The following GZMM variants were observed in gnomAD, a reference collection of about 807,000 sequenced individuals.
GZMM encodes the protein HU-Met-1.
In GZMM, 23 loss-of-function variants were observed where a neutral mutation model predicts 19.2. The observed-to-expected ratio is 1.20, with a 90% CI of 0.86 to 1.69. The LOEUF is 1.69. Among genes scored for constraint, GZMM ranks in the 40% most tolerant of loss-of-function variants. The pLI is 0.00. For missense variants in GZMM, 373 were observed against 352.2 expected, an observed-to-expected ratio of 1.06 and a Z score of -0.47; for synonymous variants, 178 against 160.2, an observed-to-expected ratio of 1.11 and a Z score of -0.84.
chr19:548,795 C>T lies in GZMM; in HGVS notation c.348+118C>T. 15 of 615,116 alleles carry T rather than the reference C, an allele frequency of 2.4e-5. No individual in the cohort carries two copies. The South Asian group carries it at 2.8e-4, about 11-fold the overall frequency. 38.1% of individuals were successfully genotyped at this position (615,116 alleles called of 1,614,324 possible). On this transcript the variant is annotated intron_variant, in intron 3 of 4. Coordinates refer to ENST00000264553, the MANE Select transcript of GZMM (RefSeq NM_005317.4). ...TCCCCCCGCACTGCTGCCCCTCCCC[C>T]CGCACTACTGCCCCCTCCCCCATTG...
At chr19:548,508 C>G in intron 2 of GZMM, 34 bp from the exon 3 acceptor site, 1 of 1,608,788 alleles carries the variant, frequency 6.2e-7, no homozygotes, top group Non-Finnish European at 8.5e-7. Context: ...CACGCCGGGC[C>G]AGGCCGCAGC....
At chr19:546,540 CAA>C (rs35147201) in intron 1 of GZMM, among the ~76,000 whole-genome samples, 1 of 106,780 alleles carries the variant, frequency 9.4e-6, no homozygotes. Context: ...GACTCCATCT[CAA>C]AAAAAAAAAA....
intron 2 of GZMM, 50 bp from the exon 3 acceptor site, chr19:548,492 G>T (rs1484485769): frequency 3.1e-6 from 5 of 1,592,332 alleles, no homozygotes; most frequent in East Asian, 2.2e-5. Context: ...CATGTGGCGG[G>T]TCGTCCACGC....
intron 1 of GZMM, among the ~76,000 whole-genome samples, chr19:544,944 A>T (rs1369391736): frequency 7.4e-6 from 1 of 134,848 alleles, no homozygotes; most frequent in African/African-American, 2.9e-5. Context: ...TCCATCCATC[A>T]TCCATCCCTC....
intron 2 of GZMM, 121 bp from the exon 3 acceptor site, chr19:548,421 G>C: frequency 1.0e-6 from 1 of 977,120 alleles, no homozygotes; most frequent in Non-Finnish European, 1.5e-6. Context: ...GCCAAGGCCT[G>C]TGAGGGGCAG....
At chr19:544,539 G>A (rs1321769410) in intron 1 of GZMM, among the ~76,000 whole-genome samples, 1 of 152,140 alleles carries the variant, frequency 6.6e-6, no homozygotes, top group Non-Finnish European at 1.5e-5. Context: ...GCCCAGCAGT[G>A]AGGGAGAAGG....
At position 549,131 on chromosome 19, in the gene GZMM, C is replaced by T. The variant is rs1299196208; in HGVS notation, c.558C>T (p.Leu186=). Residue 186 remains leucine (L), a synonymous_variant, in exon 4 of 5, where the codon CTC becomes CTT. Transcript: ENST00000264553. ...CNNSRFWNGS[L]SPSMVCLAAD... is the part of the protein sequence containing the mutation. ...ACAGCCGCTTCTGGAACGGCAGCCT[C>T]TCCCCCAGCATGGTCTGCCTGGCGG... 25 of 1,579,950 alleles carry T rather than the reference C, an allele frequency of 1.6e-5. No homozygotes were observed. The highest frequency in any genetic ancestry group is 1.9e-5 in the Non-Finnish European group (22 of 1,163,950).
chr19:549,619 C>T lies in GZMM; in HGVS notation c.613-11C>T, dbSNP rs370750803. ...GTGCAGAGGCTGAGCTGCGGTGTGT[C>T]GTCCCTGCAGGGTGACTCGGGCGGG... On this transcript the variant is annotated splice_polypyrimidine_tract_variant and intron_variant, in intron 4 of 4. Transcript: ENST00000264553. 5.0e-6 allele frequency: 8 copies of T among 1,607,880 alleles called. No individual in the cohort carries two copies. The highest frequency in any genetic ancestry group is 1.7e-4 in the Middle Eastern group (1 of 5,926).
chr19:545,889 T>C (rs1417524330), intron 1 of GZMM, among the ~76,000 whole-genome samples: 2 of 146,822 alleles, frequency 1.4e-5, no homozygotes, highest in South Asian at 2.2e-4. Context: ...GTGATCCACC[T>C]GCCTCGGCCT....
Position 548,550 on chromosome 19 carries a change from AGCTGAG to A in GZMM, c.226_231del (p.Arg76_Leu77del). ...ATTCCCTCTGTCCCCAGGATGGCCC[AGCTGAG>A]GCTGGTGCTGGGGCTCCACACCCTG... On this transcript the variant is annotated inframe_deletion, in exon 3 of 5. Coordinates refer to ENST00000264553, the MANE Select transcript of GZMM (RefSeq NM_005317.4). 1 of 1,613,290 alleles carries A rather than the reference AGCTGAG, an allele frequency of 6.2e-7. No homozygotes were observed.
rs1343138928 is a variant in GZMM, at chr19:547,278, A to G, written c.56-2A>G. 3.3e-6 allele frequency: 5 copies of G among 1,507,336 alleles called. No homozygotes were observed. The highest frequency in any genetic ancestry group is 4.4e-6 in the Non-Finnish European group (5 of 1,127,126). The allele number at this position is 1,507,336 out of a possible 1,614,324, so 93.4% of individuals were successfully genotyped here. ...CTGGCTCTTTGTCCCCCATCCTGGC[A>G]GGCAGCTCCTTTGGGACCCAGATCA... On this transcript the variant is annotated splice_acceptor_variant, in intron 1 of 4. Coordinates refer to ENST00000264553, the MANE Select transcript of GZMM (RefSeq NM_005317.4). LOFTEE classifies it high-confidence loss of function.
Position 544,731 on chromosome 19 carries a change from TCCC to T in GZMM, c.55+606_55+608del, listed in dbSNP as rs751493116. On this transcript the variant is annotated intron_variant, in intron 1 of 4. Coordinates refer to ENST00000264553, the MANE Select transcript of GZMM (RefSeq NM_005317.4). ...ATCCCTCCCTCCCTCCCTCCCTCCC[TCCC>T]TCATCTCCCCTTCCTTCCCTCTACC... Among the ~76,000 whole-genome samples, 199 of 25,198 alleles carry T rather than the reference TCCC, an allele frequency of 7.9e-3. 2 individuals carry two copies. The highest frequency in any genetic ancestry group is 0.023 in the South Asian group (14 of 606). The allele number at this position is 25,198 out of a possible 152,430, so 16.5% of individuals were successfully genotyped here. A position where few individuals can be genotyped will look rare whatever the true frequency, so the allele number is the denominator to read the frequency against.
Position 549,127 on chromosome 19 carries a change from G to A in GZMM, c.554G>A (p.Ser185Asn). 1.3e-6 allele frequency: 2 copies of A among 1,580,594 alleles called. No homozygotes were observed. The highest frequency in any genetic ancestry group is 1.7e-6 in the Non-Finnish European group (2 of 1,164,350). The change falls in exon 4 of 5, where the codon AGC becomes AAC. Residue 185 changes from serine (S) to asparagine (N), a missense_variant. Transcript: ENST00000264553. ...MCNNSRFWNGSLSPSMVCLAA... is the reference protein window; with the variant it reads ...MCNNSRFWNGNLSPSMVCLAA... Reference sequence around the variant, plus strand: ...AACAACAGCCGCTTCTGGAACGGCAGCCTCTCCCCCAGCATGGTCTGCCTG... The same window carrying A: ...AACAACAGCCGCTTCTGGAACGGCAACCTCTCCCCCAGCATGGTCTGCCTG...
intron 4 of GZMM, among the ~76,000 whole-genome samples, 164 bp downstream of exon 4, chr19:549,349 CTG>C (rs1980424491): frequency 6.6e-6 from 1 of 152,184 alleles, no homozygotes; most frequent in Non-Finnish European, 1.5e-5. Flanking sequence ...GGTGCAGAAA[CTG>C]AGGCTCAGAC....
At position 548,944 on chromosome 19, in the gene GZMM, G is replaced by C. The variant is rs1453388585; in HGVS notation, c.371G>C (p.Ser124Thr). 1 of 1,577,376 alleles carries C rather than the reference G, an allele frequency of 6.3e-7. No homozygotes were observed. Among genetic ancestry groups the C allele is most frequent in the Admixed American group, 1.7e-5 (1 of 58,234 alleles). ...LLQLDGKVKPSRTIRPLALPS... is the reference protein window; with the variant it reads ...LLQLDGKVKPTRTIRPLALPS... ...TAGCTGGACGGGAAAGTGAAGCCCA[G>C]CCGGACCATCCGGCCGTTGGCCCTG... The change falls in exon 4 of 5, where the codon AGC becomes ACC. Residue 124 changes from serine (S) to threonine (T), a missense_variant. Physicochemically the swap from Ser to Thr is moderately conservative, Grantham distance 58. Transcript: ENST00000264553.
Position 549,194 on chromosome 19 carries a change from C to A in GZMM, c.612+9C>A. ...ACCAGGCTCCCTGCAAGGTGAGGGGCGCCCGGGTGGGGCTGGGGGAATGAG... is the reference window on the plus strand; with the variant it reads ...ACCAGGCTCCCTGCAAGGTGAGGGGAGCCCGGGTGGGGCTGGGGGAATGAG... On this transcript the variant is annotated intron_variant, in intron 4 of 4. Transcript: ENST00000264553. The A allele has an allele frequency of 1.9e-6, 3 of 1,561,426 alleles. No homozygotes were observed. The highest frequency in any genetic ancestry group is 2.6e-6 in the Non-Finnish European group (3 of 1,152,436).
chr19:549,558 C>T, intron 4 of GZMM, 72 bp from the exon 5 acceptor site: 1 of 1,472,696 alleles, frequency 6.8e-7, no homozygotes, highest in South Asian at 1.2e-5. Context: ...GCCCTGCTCC[C>T]CTCGGCGGGC....
chr19:547,379 G>A lies in GZMM; in HGVS notation c.155G>A (p.Gly52Glu). The A allele has an allele frequency of 3.2e-6, 5 of 1,552,116 alleles. No individual in the cohort carries two copies. Among genetic ancestry groups the A allele is most frequent in the South Asian group, 1.2e-5 (1 of 83,852 alleles). The change falls in exon 2 of 5, where the codon GGG becomes GAG. Residue 52 changes from glycine to glutamate, a missense_variant. Physicochemically the swap from Gly to Glu is moderately conservative, Grantham distance 98. Transcript: ENST00000264553. ...CAGAGAAATGGCTCCCACCTGTGCG[G>A]GGGTGTCCTGGTGCACCCAAAGTGG... is the stretch of plus-strand genomic sequence containing the variant. ...SLQRNGSHLC[G>E]GVLVHPKWVL...
chr19:546,786 C>T (rs1453271777), intron 1 of GZMM, among the ~76,000 whole-genome samples: 4 of 151,612 alleles, frequency 2.6e-5, no homozygotes, highest in African/African-American at 7.3e-5. Flanking sequence ...TGCAGTGAGC[C>T]GAGATCGTGC....
Sources: gnomAD v4.1 joint callset for allele counts (sites outside exome capture counted in the v4.1 genomes callset) on GRCh38, gnomAD v4.1.1 for gene constraint, MANE v1.5 for transcripts, NCBI Gene and HGNC (gene_info 2026-07-23, HGNC 2026-07-21) for gene names.